Variants in PAPSS1 observed in about 807,000 individuals in gnomAD.
PAPSS1 encodes 3'-phosphoadenosine 5'-phosphosulfate synthase 1.
In PAPSS1, 50 loss-of-function variants were observed where a neutral mutation model predicts 72.0. The ratio of observed to expected loss-of-function variants is 0.69; its 90% confidence interval spans 0.55 to 0.88. PAPSS1 has a LOEUF of 0.88. Ranked by LOEUF, PAPSS1 falls within the 40% of genes least tolerant of loss-of-function variation. The pLI is 0.00. For synonymous variants in PAPSS1, 261 were observed against 263.6 expected (o/e 0.99, Z 0.09); for missense variants, 657 against 782.2 (o/e 0.84, Z 1.91).
At chr4:107,619,896 G>A (rs771162071) in intron 11 of PAPSS1, among the ~76,000 whole-genome samples, 10 of 152,170 alleles carry the variant, frequency 6.6e-5, no homozygotes, top group African/African-American at 1.4e-4. Flanking sequence ...AAAAAAACCC[G>A]AAATGAGCAG....
chr4:107,619,356 T>C (rs1725900276), intron 11 of PAPSS1, among the ~76,000 whole-genome samples: 1 of 152,110 alleles, frequency 6.6e-6, no homozygotes, highest in South Asian at 2.1e-4. Context: ...GGAATGGGAG[T>C]TTCCACTTCC....
intron 5 of PAPSS1, among the ~76,000 whole-genome samples, chr4:107,673,147 A>T (rs554492312): frequency 6.6e-6 from 1 of 152,368 alleles, no homozygotes; most frequent in South Asian, 2.1e-4. Flanking sequence ...TCTAAAAATC[A>T]GAGCACCTCT....
At chr4:107,643,065 A>T (rs1380592086) in intron 10 of PAPSS1, among the ~76,000 whole-genome samples, 1 of 152,236 alleles carries the variant, frequency 6.6e-6, no homozygotes, top group Non-Finnish European at 1.5e-5. Flanking sequence ...CACACAGCGA[A>T]ACACCACACA....
rs1056915988 is a variant in PAPSS1 at position 107,613,726 on chromosome 4, A to G, written c.*523T>C. The G allele has an allele frequency of 3.3e-5, 5 of 152,248 alleles. No homozygotes were observed. The highest frequency in any genetic ancestry group is 1.2e-4 in the African/African-American group (5 of 41,460). 9.4% of individuals were successfully genotyped at this position (152,248 alleles called of 1,614,324 possible). On this transcript the variant is annotated 3_prime_UTR_variant, in exon 12 of 12. Transcript: ENST00000265174. ...AGTTCATTCAGAGCTTACACAGATC[A>G]TAAGAATACTTTAGATTATAACAGC...
intron 1 of PAPSS1, among the ~76,000 whole-genome samples, chr4:107,711,225 C>A (rs1397458485): frequency 6.6e-6 from 1 of 152,168 alleles, no homozygotes; most frequent in Non-Finnish European, 1.5e-5. Context: ...CATTGCAAGG[C>A]CATTTAATAT....
intron 9 of PAPSS1, among the ~76,000 whole-genome samples, chr4:107,652,254 T>G (rs963043871): frequency 2.0e-5 from 3 of 152,220 alleles, no homozygotes; most frequent in Non-Finnish European, 4.4e-5. Context: ...GGGTGGGAAT[T>G]AATTAGGAGC....
chr4:107,631,148 A>G (rs1314745426), intron 11 of PAPSS1, among the ~76,000 whole-genome samples: 2 of 152,234 alleles, frequency 1.3e-5, no homozygotes, highest in Non-Finnish European at 2.9e-5. Flanking sequence ...ATATTCCAAA[A>G]TCTGAAGGAA....
intron 11 of PAPSS1, among the ~76,000 whole-genome samples, chr4:107,626,034 C>A (rs976267042): frequency 6.6e-6 from 1 of 151,970 alleles, no homozygotes; most frequent in Non-Finnish European, 1.5e-5. Context: ...AAAAAATAGC[C>A]GGGCGCGGTG....
chr4:107,631,694 A>G lies in PAPSS1; in HGVS notation c.1673T>C (p.Val558Ala). 6.2e-7 allele frequency: 1 copy of G among 1,614,134 alleles called. No individual in the cohort carries two copies. The highest frequency in any genetic ancestry group is 2.2e-5 in the East Asian group (1 of 44,876). Residue 558 changes from valine to alanine, a missense_variant, in exon 11 of 12, where the codon GTT becomes GCT. Val to Ala is a moderately conservative substitution (Grantham distance 64, BLOSUM62 0). Coordinates refer to ENST00000265174, the MANE Select transcript of PAPSS1 (RefSeq NM_005443.5). ...MAPGLITLEI[V>A]PFRVAAYNKK... Reference sequence around the variant, plus strand: ...GTTGTAAGCTGCAACTCGAAAGGGAACTATTTCCAAAGTGATTAAACCAGG... The same window carrying G: ...GTTGTAAGCTGCAACTCGAAAGGGAGCTATTTCCAAAGTGATTAAACCAGG...
intron 10 of PAPSS1, among the ~76,000 whole-genome samples, chr4:107,643,139 T>C (rs182325038): frequency 3.9e-5 from 6 of 152,174 alleles, no homozygotes; most frequent in Middle Eastern, 3.4e-3. Context: ...ACAAGCACAA[T>C]GTAAAGTGAA....
intron 11 of PAPSS1, among the ~76,000 whole-genome samples, chr4:107,614,971 T>A (rs1725782017): frequency 1.4e-5 from 1 of 69,716 alleles, no homozygotes; most frequent in South Asian, 8.8e-4. Context: ...AAAACTAGAT[T>A]TTTTTTTTTT....
intron 1 of PAPSS1, among the ~76,000 whole-genome samples, chr4:107,708,343 A>T (rs1311140773): frequency 6.6e-6 from 1 of 152,180 alleles, no homozygotes; most frequent in Non-Finnish European, 1.5e-5. Flanking sequence ...GCTCCCATTG[A>T]TACTGGCTAA....
chr4:107,689,850 G>A (rs1002593400), intron 3 of PAPSS1, among the ~76,000 whole-genome samples: 5 of 152,160 alleles, frequency 3.3e-5, no homozygotes, highest in Non-Finnish European at 5.9e-5. Context: ...AATGAAATAC[G>A]CATGTCCTCC....
chr4:107,656,898 T>C lies in PAPSS1; in HGVS notation c.893A>G (p.Asp298Gly). ...LQCLHFDCLL[D>G]GGVINLSVPI... Reference sequence around the variant, plus strand: ...ATTTTGAATGTAAAATGTCTTACCATCCAGAAGACAATCAAAATGAAGGCA... The same window carrying C: ...ATTTTGAATGTAAAATGTCTTACCACCCAGAAGACAATCAAAATGAAGGCA... Residue 298 changes from aspartate (D) to glycine (G), a missense_variant and splice_region_variant, in exon 7 of 12, where the codon GAT becomes GGT. By Grantham distance (94) the Asp-to-Gly change is moderately conservative. This residue lies in a region of PAPSS1 where 190 missense variants were observed against 176.7 expected (regional missense o/e 1.07). Coordinates refer to ENST00000265174, the MANE Select transcript of PAPSS1 (RefSeq NM_005443.5). The C allele has an allele frequency of 6.4e-7, 1 of 1,564,252 alleles. No individual in the cohort carries two copies. Among genetic ancestry groups the C allele is most frequent in the Non-Finnish European group, 8.8e-7 (1 of 1,134,584 alleles).
rs1247439481 is a variant in PAPSS1, at chr4:107,653,636, A to G, written c.1102-10T>C. On this transcript the variant is annotated splice_polypyrimidine_tract_variant and intron_variant, in intron 8 of 11. Coordinates refer to ENST00000265174, the MANE Select transcript of PAPSS1 (RefSeq NM_005443.5). ...CTTGTTCCATCACCATCTAATAGGA[A>G]AAACAAATTTTTTTAATGGAAACCG... 1 of 1,606,406 alleles carries G rather than the reference A, an allele frequency of 6.2e-7. No individual in the cohort carries two copies. Among genetic ancestry groups the G allele is most frequent in the Non-Finnish European group, 8.5e-7 (1 of 1,177,514 alleles).
chr4:107,669,729 A>T (rs1306852293), intron 5 of PAPSS1, among the ~76,000 whole-genome samples: 1 of 152,224 alleles, frequency 6.6e-6, no homozygotes, highest in Non-Finnish European at 1.5e-5. Context: ...AAGCTATCAA[A>T]TTAAGGAGGC....
rs1381031682 is a variant in PAPSS1 at position 107,640,597 on chromosome 4, G to GCAAATAAGT, written c.1506+4196_1506+4204dup. On this transcript the variant is annotated intron_variant, in intron 10 of 11. Coordinates refer to ENST00000265174, the MANE Select transcript of PAPSS1 (RefSeq NM_005443.5). ...ACAAAAAAATTCTTCACTTATGGCT[G>GCAAATAAGT]CAAATAAGTCAAACAAGTCAAACAC... Among the ~76,000 whole-genome samples, 10 of 152,216 alleles carry GCAAATAAGT rather than the reference G, an allele frequency of 6.6e-5. No homozygotes were observed. The East Asian group carries it at 1.9e-3, about 29-fold the overall frequency.
At chr4:107,623,382 G>GAGACC (rs1341034241) in intron 11 of PAPSS1, among the ~76,000 whole-genome samples, 1 of 152,064 alleles carries the variant, frequency 6.6e-6, no homozygotes, top group Non-Finnish European at 1.5e-5. Flanking sequence ...GGAGTAAGTC[G>GAGACC]AGACCTAGGA....
chr4:107,714,143 C>T (rs1723576309), intron 1 of PAPSS1, among the ~76,000 whole-genome samples: 2 of 152,258 alleles, frequency 1.3e-5, no homozygotes, highest in South Asian at 4.2e-4. Flanking sequence ...CTGCACCATC[C>T]CCCAATGATG....
Sources: allele counts gnomAD v4.1 joint callset (sites outside exome capture counted in the v4.1 genomes callset), GRCh38; gene constraint gnomAD v4.1.1; regional missense constraint gnomAD v4.1.1; transcripts MANE v1.5; gene names NCBI Gene and HGNC (gene_info 2026-07-23, HGNC 2026-07-21).